The following GLCE variants were observed in gnomAD, a reference collection of about 807,000 sequenced individuals.
GLCE encodes D-glucuronyl C5-epimerase.
GLCE carries 19 observed loss-of-function variants against 47.9 expected under a neutral mutation model. That is an observed-to-expected ratio of 0.40 (90% confidence interval 0.28 to 0.58). GLCE has a LOEUF of 0.58. GLCE is among the 20% of genes least tolerant of loss of function. GLCE has a pLI of 0.48. For missense variants in GLCE, 556 were observed against 743.3 expected, an observed-to-expected ratio of 0.75 and a Z score of 2.93; for synonymous variants, 245 against 263.4, an observed-to-expected ratio of 0.93 and a Z score of 0.68.
At chr15:69,174,134 A>T (rs1376561651) in intron 1 of GLCE, among the ~76,000 whole-genome samples, 1 of 152,236 alleles carries the variant, frequency 6.6e-6, no homozygotes, top group Non-Finnish European at 1.5e-5. Context: ...ATGGGATTAT[A>T]GGCATGAGCC....
chr15:69,227,425 G>C (rs1017613464), intron 2 of GLCE, among the ~76,000 whole-genome samples: 1 of 152,170 alleles, frequency 6.6e-6, no homozygotes, highest in Admixed American at 6.5e-5. Context: ...GAGTAGGTGT[G>C]TCAGAGAAAG....
rs1047704317 is a variant in GLCE at position 69,269,999 on chromosome 15, A to G, written c.*755A>G. The G allele has an allele frequency of 2.0e-5, 3 of 152,102 alleles. No homozygotes were observed. The highest frequency in any genetic ancestry group is 4.4e-5 in the Non-Finnish European group (3 of 67,936). The allele number at this position is 152,102 out of a possible 1,614,324, so 9.4% of individuals were successfully genotyped here. ...TTGATAATCAGTATATCCCTTCCCA[A>G]CCCCCATTGTGACAGTTTCTTTTTG... On this transcript the variant is annotated 3_prime_UTR_variant, in exon 5 of 5. Transcript: ENST00000261858.
chr15:69,243,840 A>G (rs2052710351), intron 2 of GLCE, among the ~76,000 whole-genome samples: 1 of 145,218 alleles, frequency 6.9e-6, no homozygotes. Flanking sequence ...ACAGGGTCTC[A>G]GGTCACCCAG....
At chr15:69,191,328 G>A (rs2051910388) in intron 1 of GLCE, among the ~76,000 whole-genome samples, 1 of 152,086 alleles carries the variant, frequency 6.6e-6, no homozygotes, top group Non-Finnish European at 1.5e-5. Context: ...AAATTGTAGT[G>A]TATCACCTCC....
intron 1 of GLCE, among the ~76,000 whole-genome samples, chr15:69,162,562 G>A (rs1402953717): frequency 6.7e-6 from 1 of 150,366 alleles, no homozygotes; most frequent in African/African-American, 2.4e-5. Context: ...TTGTTTTTTG[G>A]TTTGTTTCTT....
intron 2 of GLCE, among the ~76,000 whole-genome samples, chr15:69,215,034 T>G (rs1424353458): frequency 6.6e-6 from 1 of 152,206 alleles, no homozygotes; most frequent in African/African-American, 2.4e-5. Context: ...ATTCATTTTG[T>G]CACAGTTCAC....
intron 2 of GLCE, among the ~76,000 whole-genome samples, chr15:69,250,673 A>C (rs2052828594): frequency 6.6e-6 from 1 of 151,878 alleles, no homozygotes; most frequent in South Asian, 2.1e-4. Flanking sequence ...CCGGGAGGTC[A>C]TCATACTGAT....
chr15:69,258,674 C>T (rs932432951), intron 3 of GLCE, among the ~76,000 whole-genome samples: 2 of 152,086 alleles, frequency 1.3e-5, no homozygotes, highest in Non-Finnish European at 2.9e-5. Context: ...TAATAATCAT[C>T]ACATCAGGGT....
Position 69,204,140 on chromosome 15 carries a change from G to A in GLCE, c.-104-6176G>A, listed in dbSNP as rs181036761. Among the ~76,000 whole-genome samples the A allele has an allele frequency of 4.9e-4, 75 of 152,086 alleles. 2 individuals are homozygous for A. In the East Asian group the frequency reaches 0.013, roughly 26 times the overall value. On this transcript the variant is annotated intron_variant, in intron 1 of 4. Transcript: ENST00000261858. The stretch of plus-strand genomic sequence containing the variant: ...TAGTGTACTATATTAGTTGAAGTAC[G>A]ATAAAGAAATTCTTGCAGAAGAGTA...
rs1346981824 is a variant in GLCE at position 69,270,042 on chromosome 15, G to A, written c.*798G>A. ...TCTTTTTGTCACTGTCTAGAATTTT[G>A]TATTTTATTTCAGACTATACCTTGG... On this transcript the variant is annotated 3_prime_UTR_variant, in exon 5 of 5. Coordinates refer to ENST00000261858, the MANE Select transcript of GLCE (RefSeq NM_015554.3). The A allele has an allele frequency of 1.3e-5, 2 of 152,424 alleles. No individual in the cohort carries two copies. Among genetic ancestry groups the A allele is most frequent in the African/African-American group, 4.8e-5 (2 of 41,352 alleles). The allele number at this position is 152,424 out of a possible 1,614,324, so 9.4% of individuals were successfully genotyped here.
At chr15:69,171,154 A>T (rs987897620) in intron 1 of GLCE, among the ~76,000 whole-genome samples, 20 of 152,098 alleles carry the variant, frequency 1.3e-4, no homozygotes, top group Non-Finnish European at 2.9e-4. Context: ...TCATTTACTT[A>T]AACTTTTATT....
At chr15:69,205,007 T>G (rs2052130551) in intron 1 of GLCE, among the ~76,000 whole-genome samples, 2 of 152,252 alleles carry the variant, frequency 1.3e-5, no homozygotes, top group Admixed American at 1.3e-4. Flanking sequence ...ATAAATTTTA[T>G]TTTTTTAAAT....
chr15:69,238,000 A>G (rs1264233741), intron 2 of GLCE, among the ~76,000 whole-genome samples: 1 of 152,230 alleles, frequency 6.6e-6, no homozygotes, highest in South Asian at 2.1e-4. Context: ...GTTAAGTGCT[A>G]TACAGTACTT....
chr15:69,217,160 C>G (rs1400848360), intron 2 of GLCE, among the ~76,000 whole-genome samples: 2 of 151,752 alleles, frequency 1.3e-5, no homozygotes, highest in African/African-American at 4.8e-5. Flanking sequence ...CAATATAAAA[C>G]TTATAAAACA....
At chr15:69,186,327 G>C (rs1490260419) in intron 1 of GLCE, among the ~76,000 whole-genome samples, 2 of 152,126 alleles carry the variant, frequency 1.3e-5, no homozygotes, top group East Asian at 3.9e-4. Context: ...GCCTGCCTCT[G>C]AGGCCTCACA....
chr15:69,215,724 A>AT, intron 2 of GLCE, among the ~76,000 whole-genome samples: 1 of 152,216 alleles, frequency 6.6e-6, no homozygotes, highest in East Asian at 1.9e-4. Context: ...ATATATAAGA[A>AT]TTTTTGCTGT....
At chr15:69,168,266 CA>C (rs978888880) in intron 1 of GLCE, among the ~76,000 whole-genome samples, 1 of 151,276 alleles carries the variant, frequency 6.6e-6, no homozygotes, top group Non-Finnish European at 1.5e-5. Flanking sequence ...GACCCTGTCT[CA>C]AAAAAAAGAG....
intron 2 of GLCE, among the ~76,000 whole-genome samples, chr15:69,241,645 A>G (rs1489086229): frequency 6.6e-6 from 1 of 152,198 alleles, no homozygotes; most frequent in Non-Finnish European, 1.5e-5. Flanking sequence ...CTTTATGCAT[A>G]TGGTATATTA....
intron 1 of GLCE, among the ~76,000 whole-genome samples, chr15:69,208,157 T>C (rs931850474): frequency 3.3e-5 from 5 of 152,008 alleles, no homozygotes; most frequent in African/African-American, 1.2e-4. Flanking sequence ...TGAAGTCCAA[T>C]TTATAACTTT....
Sources: gnomAD v4.1 joint callset for allele counts (sites outside exome capture counted in the v4.1 genomes callset) on GRCh38, gnomAD v4.1.1 for gene constraint, MANE v1.5 for transcripts, NCBI Gene and HGNC (gene_info 2026-07-23, HGNC 2026-07-21) for gene names.